TNIK: variants seen among roughly 807,000 people sequenced by gnomAD.
TNIK encodes TRAF2 and NCK-interacting protein kinase.
A neutral mutation model predicts 191.3 loss-of-function variants in TNIK; 49 were observed. The observed-to-expected ratio is 0.26, with a 90% CI of 0.20 to 0.32. The LOEUF is 0.32. Among genes scored for constraint, TNIK ranks in the 10% least tolerant of loss-of-function variants. TNIK has a pLI of 1.00. For synonymous variants in TNIK, 594 were observed against 600.9 expected (o/e 0.99, Z 0.17); for missense variants, 1,155 against 1,702.3 (o/e 0.68, Z 5.66).
At chr3:171,181,769 G>A (rs537618609) in intron 7 of TNIK, among the ~76,000 whole-genome samples, 1 of 152,270 alleles carries the variant, frequency 6.6e-6, no homozygotes, top group South Asian at 2.1e-4. Context: ...GTTTCTGAAG[G>A]TATCAGTGAA....
At position 171,459,234 on chromosome 3, in the gene TNIK, A is replaced by G. The variant is rs1393567010; in HGVS notation, c.57+773T>C. Among the ~76,000 whole-genome samples, 3 of 152,024 alleles carry G rather than the reference A, an allele frequency of 2.0e-5. No homozygotes were observed. In the East Asian group the frequency reaches 5.8e-4, roughly 29 times the overall value. On this transcript the variant is annotated intron_variant, in intron 1 of 32. Coordinates refer to ENST00000436636, the MANE Select transcript of TNIK (RefSeq NM_015028.4). ...GGGGAAAACACACACAGACACACAC[A>G]CACACACACTCGCACACACTCCAGG...
intron 4 of TNIK, among the ~76,000 whole-genome samples, chr3:171,207,918 G>A (rs1455070573): frequency 1.3e-5 from 2 of 152,154 alleles, no homozygotes; most frequent in African/African-American, 2.4e-5. Flanking sequence ...TGCTGCAGAG[G>A]GAAGCAAAAG....
chr3:171,306,034 TA>T (rs2108285448), intron 2 of TNIK, among the ~76,000 whole-genome samples: 1 of 152,170 alleles, frequency 6.6e-6, no homozygotes, highest in Admixed American at 6.5e-5. Context: ...TATGAAGCCA[TA>T]AAAAAGAACT....
intron 5 of TNIK, 94 bp downstream of exon 5, chr3:171,194,431 C>T: frequency 9.1e-7 from 1 of 1,097,060 alleles, no homozygotes; most frequent in Non-Finnish European, 1.3e-6. Flanking sequence ...TTATGAATTT[C>T]ACTAGAAAGT....
chr3:171,275,211 A>C (rs1319182179), intron 2 of TNIK, among the ~76,000 whole-genome samples: 1 of 152,216 alleles, frequency 6.6e-6, no homozygotes, highest in Non-Finnish European at 1.5e-5. Context: ...ACACCAACTC[A>C]TTCAAATATC....
rs926519600 is a variant in TNIK, at chr3:171,060,691, G to T, written c.*3190C>A. 6.6e-6 allele frequency among the ~76,000 whole-genome samples: 1 copy of T among 152,168 alleles called. No individual in the cohort carries two copies. The highest frequency in any genetic ancestry group is 6.5e-5 in the Admixed American group (1 of 15,274). On this transcript the variant is annotated 3_prime_UTR_variant, in exon 33 of 33. Coordinates refer to ENST00000436636, the MANE Select transcript of TNIK (RefSeq NM_015028.4). ...TATGACAGTGGTCTGGCTGGAACTG[G>T]CAGGGGGAAGAGCCTCATTATTTGA...
chr3:171,407,029 A>G (rs1179644370), intron 1 of TNIK, among the ~76,000 whole-genome samples: 2 of 152,226 alleles, frequency 1.3e-5, no homozygotes, highest in Non-Finnish European at 2.9e-5. Context: ...CAGAGGGGAC[A>G]GGAAGAAGCC....
At chr3:171,288,146 T>TATC (rs1560377442) in intron 2 of TNIK, among the ~76,000 whole-genome samples, 1 of 116,436 alleles carries the variant, frequency 8.6e-6, no homozygotes, top group Non-Finnish European at 1.7e-5. Context: ...GGAAGGGGAA[T>TATC]ATCACACTCT....
chr3:171,264,374 G>T (rs1187034638), intron 2 of TNIK, among the ~76,000 whole-genome samples: 1 of 151,770 alleles, frequency 6.6e-6, no homozygotes, highest in Non-Finnish European at 1.5e-5. Flanking sequence ...TTTATTTTCA[G>T]ACGGAGTTTT....
At chr3:171,227,384 A>G (rs1232163235) in intron 3 of TNIK, among the ~76,000 whole-genome samples, 1 of 152,166 alleles carries the variant, frequency 6.6e-6, no homozygotes, top group East Asian at 1.9e-4. Context: ...TAAATATCCT[A>G]CTAGGATCTT....
intron 12 of TNIK, among the ~76,000 whole-genome samples, chr3:171,147,559 G>A (rs903575849): frequency 1.3e-5 from 2 of 152,178 alleles, no homozygotes; most frequent in African/African-American, 4.8e-5. Flanking sequence ...GGACACAAGA[G>A]TGATGAGGAA....
intron 23 of TNIK, 69 bp from the exon 24 acceptor site, chr3:171,087,575 C>T: frequency 6.4e-7 from 1 of 1,566,718 alleles, no homozygotes; most frequent in South Asian, 1.2e-5. Context: ...CATCAGCCCT[C>T]ACACAGCATA....
Position 171,365,161 on chromosome 3 carries a change from CTTTTTTTTTTTTTTTTTT to C in TNIK, c.123+4441_123+4458del, listed in dbSNP as rs60887361. ...AAGGACTACACAAAAGGACTACATT[CTTTTTTTTTTTTTTTTTT>C]TTTTTTTTTTTTTTTTTTTTGAGAC... On this transcript the variant is annotated intron_variant, in intron 2 of 32. Transcript: ENST00000436636. Among the ~76,000 whole-genome samples the C allele has an allele frequency of 4.4e-3, 139 of 31,940 alleles. 2 individuals are homozygous for C. Among genetic ancestry groups the C allele is most frequent in the East Asian group, 0.041 (30 of 730 alleles). 21.0% of individuals were successfully genotyped at this position (31,940 alleles called of 152,430 possible).
chr3:171,390,810 A>G (rs9290412), intron 1 of TNIK, among the ~76,000 whole-genome samples: 74,735 of 152,062 alleles, frequency 0.49, 19,156 homozygotes, highest in African/African-American at 0.58. Flanking sequence ...GACTGGAGCT[A>G]TATTTTATCC....
chr3:171,458,992 G>T (rs1729087178), intron 1 of TNIK, among the ~76,000 whole-genome samples: 1 of 152,140 alleles, frequency 6.6e-6, no homozygotes, highest in African/African-American at 2.4e-5. Context: ...TTCCCCAAAG[G>T]AGTGTGTTGG....
chr3:171,175,433 T>C (rs1023811716), intron 8 of TNIK, 103 bp from the exon 9 acceptor site: 1 of 851,482 alleles, frequency 1.2e-6, no homozygotes, highest in Non-Finnish European at 1.8e-6. Context: ...CCCACTCAGT[T>C]TACACACCAC....
intron 2 of TNIK, among the ~76,000 whole-genome samples, chr3:171,264,109 C>CAT (rs1394884676): frequency 0.012 from 672 of 57,716 alleles, 4 homozygotes; most frequent in Admixed American, 0.021. Context: ...CACACACACA[C>CAT]ACATATATAT....
intron 12 of TNIK, among the ~76,000 whole-genome samples, chr3:171,141,985 T>C (rs1389858802): frequency 6.6e-6 from 1 of 152,190 alleles, no homozygotes; most frequent in Non-Finnish European, 1.5e-5. Context: ...CAGCCCCAGC[T>C]AAACCAACCA....
intron 4 of TNIK, among the ~76,000 whole-genome samples, chr3:171,206,848 GTAAA>G (rs1467732386): frequency 6.6e-6 from 1 of 151,994 alleles, no homozygotes; most frequent in Non-Finnish European, 1.5e-5. Flanking sequence ...CCAACGATTC[GTAAA>G]TAAACACCCC....
Sources: allele counts gnomAD v4.1 joint callset (sites outside exome capture counted in the v4.1 genomes callset), GRCh38; gene constraint gnomAD v4.1.1; transcripts MANE v1.5; gene names NCBI Gene and HGNC (gene_info 2026-07-23, HGNC 2026-07-21).